Variants in DLK1 observed in about 807,000 individuals in gnomAD.
DLK1 encodes the protein delta like non-canonical Notch ligand 1, also known as protein delta homolog 1.
DLK1 carries 9 observed loss-of-function variants against 35.2 expected under a neutral mutation model. That is an observed-to-expected ratio of 0.26 (90% CI 0.15 to 0.45). The LOEUF (loss-of-function observed/expected upper bound fraction) is 0.45, where lower values mean the gene tolerates loss of function less well. Ranked by LOEUF, DLK1 falls within the 20% of genes least tolerant of loss-of-function variation. The pLI is 1.00. For missense variants in DLK1, 522 were observed against 528.5 expected (o/e 0.99, Z 0.12); for synonymous variants, 231 against 228.4 (o/e 1.01, Z -0.10).
Position 100,735,162 on chromosome 14 carries a change from C to A in DLK1, c.*266C>A. 1 of 362,714 alleles carries A rather than the reference C, an allele frequency of 2.8e-6. No individual in the cohort carries two copies. The highest frequency in any genetic ancestry group is 4.7e-6 in the Non-Finnish European group (1 of 212,190). The allele number at this position is 362,714 out of a possible 1,614,324, so 22.5% of individuals were successfully genotyped here. ...TAAGTATGTTATTCTAAAATCTAAACTCAAATGAAATTTCAAAAAAGACCA... is the reference window on the plus strand; with the variant it reads ...TAAGTATGTTATTCTAAAATCTAAAATCAAATGAAATTTCAAAAAAGACCA... On this transcript the variant is annotated 3_prime_UTR_variant, in exon 5 of 5. Transcript: ENST00000341267.
Position 100,737,715 on chromosome 14 carries a change from C to T in DLK1, c.*2819C>T, listed in dbSNP as rs915110814. 6.6e-6 allele frequency: 1 copy of T among 152,188 alleles called. No homozygotes were observed. The highest frequency in any genetic ancestry group is 6.6e-5 in the Admixed American group (1 of 15,262). 9.4% of individuals were successfully genotyped at this position (152,188 alleles called of 1,614,324 possible). A position where few individuals can be genotyped will look rare whatever the true frequency, so the allele number is the denominator to read the frequency against. On this transcript the variant is annotated 3_prime_UTR_variant, in exon 5 of 5. Coordinates refer to ENST00000341267, the MANE Select transcript of DLK1 (RefSeq NM_003836.7). ...GCCCAGCGCGGTGCCGGTCACATGC[C>T]GTGGGAGTGGAGGGTCTTGAGCAGA...
chr14:100,737,210 C>T lies in DLK1; in HGVS notation c.*2314C>T, dbSNP rs1043617403. On this transcript the variant is annotated 3_prime_UTR_variant, in exon 5 of 5. Coordinates refer to ENST00000341267, the MANE Select transcript of DLK1 (RefSeq NM_003836.7). ...AATCTCTGACAACCGCCCCAAGTCC[C>T]TCTTCCTTCCCCACGAAGTCATTCA... The T allele has an allele frequency of 1.4e-5, 2 of 144,200 alleles. No homozygotes were observed. The allele number at this position is 144,200 out of a possible 1,614,324, so 8.9% of individuals were successfully genotyped here.
At chr14:100,728,344 C>A in intron 1 of DLK1, 52 bp from the exon 2 acceptor site, 1 of 1,604,818 alleles carries the variant, frequency 6.2e-7, no homozygotes, top group Non-Finnish European at 8.5e-7. Flanking sequence ...ACAGCCTTTG[C>A]CTTGGCCTGG....
Position 100,735,202 on chromosome 14 carries a change from A to C in DLK1, c.*306A>C. On this transcript the variant is annotated 3_prime_UTR_variant, in exon 5 of 5. Transcript: ENST00000341267. Reference sequence around the variant, plus strand: ...AAAAAAGACCAAAAAAAAACAAGGCAACAGAACCAGGGCTCAGTGCCGACG... The same window carrying C: ...AAAAAAGACCAAAAAAAAACAAGGCCACAGAACCAGGGCTCAGTGCCGACG... 1 of 264,778 alleles carries C rather than the reference A, an allele frequency of 3.8e-6. No homozygotes were observed. Among genetic ancestry groups the C allele is most frequent in the Non-Finnish European group, 6.9e-6 (1 of 144,148 alleles). 16.4% of individuals were successfully genotyped at this position (264,778 alleles called of 1,614,324 possible). A position where few individuals can be genotyped will look rare whatever the true frequency, so the allele number is the denominator to read the frequency against.
In DLK1 at chr14:100,734,447, T is replaced by C; in HGVS notation, c.703T>C (p.Cys235Arg). The C allele has an allele frequency of 6.2e-7, 1 of 1,612,058 alleles. No individual in the cohort carries two copies. ...CACCCAGGTGAGCTACGAGTGTCTG[T>C]GCAAGCCCGAGTTCACAGGTCTCAC... Reference protein sequence around the residue: ...QHTQVSYECLCKPEFTGLTCV... With the variant: ...QHTQVSYECLRKPEFTGLTCV... Residue 235 changes from cysteine (C) to arginine (R), a missense_variant, in exon 5 of 5, where the codon TGC (cysteine) becomes CGC (arginine). Transcript: ENST00000341267. The surrounding 1 kb of genome is among the most constrained non-coding windows in gnomAD (Gnocchi z 7.4).
Position 100,726,936 on chromosome 14 carries a change from G to C in DLK1, c.-133G>C. 7.6e-6 allele frequency: 6 copies of C among 791,182 alleles called. No homozygotes were observed. The highest frequency in any genetic ancestry group is 1.0e-5 in the Non-Finnish European group (6 of 584,296). The allele number at this position is 791,182 out of a possible 1,614,324, so 49.0% of individuals were successfully genotyped here. ...CGGTGGAGAGCGCAGCGCGCAGCCC[G>C]GTGCAGCCCTGGCTTTCCCCTCGCT... On this transcript the variant is annotated 5_prime_UTR_variant, in exon 1 of 5. Transcript: ENST00000341267. The surrounding 1 kb of genome is among the most constrained non-coding windows in gnomAD (Gnocchi z 4.2).
intron 3 of DLK1, 81 bp from the exon 4 acceptor site, chr14:100,731,961 C>A: frequency 6.7e-7 from 1 of 1,498,890 alleles, no homozygotes; most frequent in Non-Finnish European, 8.9e-7. Flanking sequence ...GCCATAGAGC[C>A]ATTTTAAAGC....
chr14:100,728,497 C>A, intron 2 of DLK1, 38 bp downstream of exon 2: 2 of 1,610,320 alleles, frequency 1.2e-6, no homozygotes, highest in Non-Finnish European at 1.7e-6. Flanking sequence ...TTGTAGGGGC[C>A]ACGCAGAAGC....
In DLK1 at chr14:100,728,396, G is replaced by A. The variant is rs778079144; in HGVS notation, c.68G>A (p.Gly23Glu). The change falls in exon 2 of 5, where the codon GGG (glycine) becomes GAG (glutamate). Residue 23 changes from glycine to glutamate, a missense_variant and splice_region_variant. Transcript: ENST00000341267. ...TTGTATAACCTTTCTTGTACCTCAG[G>A]GGCTGAATGCTTCCCGGCCTGCAAC... is the stretch of plus-strand genomic sequence containing the variant. ...LLLAFGHSTY[G>E]AECFPACNPQ... is the part of the protein sequence containing the mutation. The A allele has an allele frequency of 6.2e-7, 1 of 1,613,810 alleles. No homozygotes were observed. Among genetic ancestry groups the A allele is most frequent in the East Asian group, 2.2e-5 (1 of 44,868 alleles).
Position 100,734,350 on chromosome 14 carries a change from C to G in DLK1, c.606C>G (p.Asp202Glu). 6.2e-7 allele frequency: 1 copy of G among 1,612,850 alleles called. No homozygotes were observed. Among genetic ancestry groups the G allele is most frequent in the Non-Finnish European group, 8.5e-7 (1 of 1,179,822 alleles). ...GCCGGTGCCCAGCCGGCTTCATCGA[C>G]AAGACCTGCAGCCGCCCGGTGACCA... ...FRCRCPAGFI[D>E]KTCSRPVTNC... The change falls in exon 5 of 5, where the codon GAC (aspartate) becomes GAG (glutamate). Residue 202 changes from aspartate (D) to glutamate (E), a missense_variant. Asp to Glu is a conservative substitution (Grantham distance 45, BLOSUM62 2). Transcript: ENST00000341267. The surrounding 1 kb of genome is among the most constrained non-coding windows in gnomAD (Gnocchi z 7.4).
At chr14:100,731,710 G>A (rs1402389592) in intron 3 of DLK1, among the ~76,000 whole-genome samples, 6 of 152,174 alleles carry the variant, frequency 3.9e-5, no homozygotes, top group African/African-American at 1.2e-4. Flanking sequence ...AGCTAGGCAC[G>A]CTGTTGCAGG....
In DLK1 at chr14:100,734,259, A is replaced by G. The variant is rs1403079892; in HGVS notation, c.515A>G (p.Asn172Ser). 5 of 1,613,438 alleles carry G rather than the reference A, an allele frequency of 3.1e-6. No individual in the cohort carries two copies. Among genetic ancestry groups the G allele is most frequent in the Admixed American group, 1.7e-5 (1 of 60,020 alleles). The part of the protein sequence containing the change: ...FSGNFCEIVA[N>S]SCTPNPCEND... ...GGCAATTTCTGCGAGATCGTGGCCA[A>G]CAGCTGCACCCCCAACCCATGCGAG... Residue 172 changes from asparagine to serine, a missense_variant, in exon 5 of 5, where the codon AAC (asparagine) becomes AGC (serine). By Grantham distance (46) the Asn-to-Ser change is conservative. Transcript: ENST00000341267. The surrounding 1 kb of genome is among the most constrained non-coding windows in gnomAD (Gnocchi z 7.4).
At chr14:100,732,344 C>T (rs926247859) in intron 4 of DLK1, among the ~76,000 whole-genome samples, 161 bp downstream of exon 4, 5 of 152,252 alleles carry the variant, frequency 3.3e-5, no homozygotes, top group Admixed American at 1.3e-4. Flanking sequence ...GGAGTATTCA[C>T]GGGGGAATGT....
At position 100,736,269 on chromosome 14, in the gene DLK1, G is replaced by T. The variant is rs993582825; in HGVS notation, c.*1373G>T. 6.6e-6 allele frequency: 1 copy of T among 151,834 alleles called. No individual in the cohort carries two copies. Among genetic ancestry groups the T allele is most frequent in the Non-Finnish European group, 1.5e-5 (1 of 68,000 alleles). 9.4% of individuals were successfully genotyped at this position (151,834 alleles called of 1,614,324 possible). The stretch of plus-strand genomic sequence containing the variant: ...GCTTTTCAGCTTTTGGGGTTGGACA[G>T]CTAAACAGCCCTTGGGTACCAGATA... On this transcript the variant is annotated 3_prime_UTR_variant, in exon 5 of 5. Transcript: ENST00000341267.
At chr14:100,731,759 C>T (rs1348038805) in intron 3 of DLK1, among the ~76,000 whole-genome samples, 3 of 152,112 alleles carry the variant, frequency 2.0e-5, no homozygotes, top group African/African-American at 4.8e-5. Context: ...ACGGACATGT[C>T]GCTGGATATG....
Position 100,727,084 on chromosome 14 carries a change from GC to G in DLK1, c.19del (p.Leu7SerfsTer52), listed in dbSNP as rs758189105. On this transcript the variant is annotated frameshift_variant, in exon 1 of 5. Transcript: ENST00000341267. LOFTEE classifies it high-confidence loss of function. MTATE[A>X]LLRVLLLLLA... ...CCGCCCAGAGATGACCGCGACCGAA[GC>G]CCTCCTGCGCGTCCTCTTGCTCCTG... The G allele has an allele frequency of 6.3e-7, 1 of 1,590,900 alleles. No homozygotes were observed. Among genetic ancestry groups the G allele is most frequent in the Non-Finnish European group, 8.5e-7 (1 of 1,170,058 alleles).
At chr14:100,728,171 T>C (rs1340240423) in intron 1 of DLK1, among the ~76,000 whole-genome samples, 2 of 152,102 alleles carry the variant, frequency 1.3e-5, no homozygotes, top group Non-Finnish European at 2.9e-5. Flanking sequence ...AGGGAGAGTG[T>C]ACTGTGGTCA....
intron 3 of DLK1, among the ~76,000 whole-genome samples, chr14:100,731,553 G>T (rs2036507313): frequency 6.6e-6 from 1 of 152,042 alleles, no homozygotes; most frequent in Non-Finnish European, 1.5e-5. Context: ...CCCCCCCACT[G>T]CCCCTCTTTG....
rs773750420 is a variant in DLK1, at chr14:100,734,133, C to T, written c.405-16C>T. 3 of 1,588,344 alleles carry T rather than the reference C, an allele frequency of 1.9e-6. No individual in the cohort carries two copies. The highest frequency in any genetic ancestry group is 3.4e-5 in the Admixed American group (2 of 58,306). ...TAGCCCCTGAGGCCGTTTACTATGT[C>T]CCTGTTGTGTTGCAGCTCCCCCTGC... On this transcript the variant is annotated splice_polypyrimidine_tract_variant and intron_variant, in intron 4 of 4. Transcript: ENST00000341267. This position sits in a 1 kb window ranked among gnomAD's most constrained non-coding sequence, Gnocchi z 7.4.
Sources: gnomAD v4.1 joint callset for allele counts (sites outside exome capture counted in the v4.1 genomes callset) on GRCh38, gnomAD v4.1.1 for gene constraint, Gnocchi (gnomAD v3.1) non-coding constraint, MANE v1.5 for transcripts, NCBI Gene and HGNC (gene_info 2026-07-23, HGNC 2026-07-21) for gene names.